Variants in SIGLEC1 observed in about 807,000 individuals in gnomAD.
SIGLEC1 encodes sialic acid binding Ig like lectin 1.
Under a neutral mutation model 148.0 loss-of-function variants are expected in SIGLEC1, and 132 were observed. That is an observed-to-expected ratio of 0.89 (90% CI 0.77 to 1.03). The LOEUF is 1.03. SIGLEC1 is among the 50% of genes least tolerant of loss of function. The pLI, the probability that SIGLEC1 is intolerant of heterozygous loss-of-function variation, is 0.00. For missense variants in SIGLEC1, 2,253 were observed against 2,271.4 expected (o/e 0.99, Z 0.16); for synonymous variants, 945 against 969.0 (o/e 0.98, Z 0.46).
Position 3,694,738 on chromosome 20 carries a change from C to T in SIGLEC1, c.2869G>A (p.Ala957Thr), listed in dbSNP as rs919181699. The change falls in exon 12 of 22, where the codon GCC becomes ACC. Residue 957 changes from alanine (A) to threonine (T), a missense_variant. Ala to Thr is a moderately conservative substitution (Grantham distance 58). Transcript: ENST00000344754. ...GGGGCCTGGGCTTGGCAATGATAGG[C>T]CCCAGCTTGTGTCAAAGTTATGGCT... ...FAAITLTQAGAYHCQAQAPGS... is the reference protein window; with the variant it reads ...FAAITLTQAGTYHCQAQAPGS... The T allele has an allele frequency of 6.2e-7, 1 of 1,613,728 alleles. No homozygotes were observed. Among genetic ancestry groups the T allele is most frequent in the Admixed American group, 1.7e-5 (1 of 60,010 alleles).
At chr20:3,706,912 G>T (rs1396650907) in intron 2 of SIGLEC1, among the ~76,000 whole-genome samples, 168 bp downstream of exon 2, 1 of 152,198 alleles carries the variant, frequency 6.6e-6, no homozygotes, top group Non-Finnish European at 1.5e-5. Flanking sequence ...TGGTAGGGTG[G>T]CTCGAAGACA....
rs896180163 is a variant in SIGLEC1, at chr20:3,710,930, T to C, written c.-110+1540A>G. 3.3e-5 allele frequency among the ~76,000 whole-genome samples: 5 copies of C among 152,214 alleles called. No individual in the cohort carries two copies. The highest frequency in any genetic ancestry group is 1.2e-4 in the African/African-American group (5 of 41,458). ...AGGCCAGCTTCAGCCCAGATAACTG[T>C]TCTGGAAACAGAAAGAGCAGGGACC... is the stretch of plus-strand genomic sequence containing the variant. On this transcript the variant is annotated intron_variant, in intron 1 of 21. Coordinates refer to ENST00000344754, the MANE Select transcript of SIGLEC1 (RefSeq NM_023068.4). The surrounding 1 kb of genome is among the most constrained non-coding windows in gnomAD (Gnocchi z 4.6).
rs1326907308 is a variant in SIGLEC1, at chr20:3,690,064, C to G, written c.4792G>C (p.Val1598Leu). The change falls in exon 19 of 22, where the codon GTG (valine) becomes CTG (leucine). Residue 1598 changes from valine to leucine, a missense_variant. Val to Leu is a conservative substitution (Grantham distance 32). Transcript: ENST00000344754. ...HVLASPNALR[V>L]DIEALRPSDQ... ...CTGGGCCTCAGCGCCTCGATGTCCACCCTCAGGGCATTGGGGGAAGCCAGG... is the reference window on the plus strand; with the variant it reads ...CTGGGCCTCAGCGCCTCGATGTCCAGCCTCAGGGCATTGGGGGAAGCCAGG... 6.2e-7 allele frequency: 1 copy of G among 1,612,230 alleles called. No individual in the cohort carries two copies. The highest frequency in any genetic ancestry group is 1.7e-5 in the Admixed American group (1 of 59,934).
In SIGLEC1 at chr20:3,706,468, C is replaced by G; in HGVS notation, c.288G>C (p.Arg96Ser). 1 of 1,614,022 alleles carries G rather than the reference C, an allele frequency of 6.2e-7. No individual in the cohort carries two copies. The highest frequency in any genetic ancestry group is 1.3e-5 in the African/African-American group (1 of 75,070). The change falls in exon 3 of 22, where the codon AGG becomes AGC. Residue 96 changes from arginine (R) to serine (S), a missense_variant. Transcript: ENST00000344754. ...RTEFMGNPEH[R>S]VCNLLLKDLQ... ...GGTCCTTCAGCAGCAGGTTGCACACCCTGTGCTCGGGGTTCCCCATGAACT... is the reference window on the plus strand; with the variant it reads ...GGTCCTTCAGCAGCAGGTTGCACACGCTGTGCTCGGGGTTCCCCATGAACT...
rs376814246 is a variant in SIGLEC1, at chr20:3,697,071, T to A, written c.2380+14A>T. ...ACCCTCCAAGTCCCCAGGCTGCCCATGCCAGTCACCCACAGAGTACACTCA... is the reference window on the plus strand; with the variant it reads ...ACCCTCCAAGTCCCCAGGCTGCCCAAGCCAGTCACCCACAGAGTACACTCA... On this transcript the variant is annotated intron_variant, in intron 10 of 21. Transcript: ENST00000344754. 2.3e-4 allele frequency: 339 copies of A among 1,471,474 alleles called. No individual in the cohort carries two copies. The highest frequency in any genetic ancestry group is 3.0e-4 in the Non-Finnish European group (322 of 1,090,060). 91.2% of individuals were successfully genotyped at this position (1,471,474 alleles called of 1,614,324 possible). A position where few individuals can be genotyped will look rare whatever the true frequency, so the allele number is the denominator to read the frequency against.
intron 21 of SIGLEC1, 110 bp downstream of exon 21, chr20:3,689,045 C>T: frequency 1.0e-6 from 1 of 953,092 alleles, no homozygotes; most frequent in Non-Finnish European, 1.7e-6. Context: ...CTCTCCCCAA[C>T]CTCCCCTTGG....
In SIGLEC1 at chr20:3,687,007, T is replaced by A. The variant is rs1489315037; in HGVS notation, c.*1553A>T. 1 of 152,186 alleles carries A rather than the reference T, an allele frequency of 6.6e-6. No homozygotes were observed. Among genetic ancestry groups the A allele is most frequent in the Non-Finnish European group, 1.5e-5 (1 of 68,028 alleles). The allele number at this position is 152,186 out of a possible 1,614,324, so 9.4% of individuals were successfully genotyped here. A position where few individuals can be genotyped will look rare whatever the true frequency, so the allele number is the denominator to read the frequency against. On this transcript the variant is annotated 3_prime_UTR_variant, in exon 22 of 22. Coordinates refer to ENST00000344754, the MANE Select transcript of SIGLEC1 (RefSeq NM_023068.4). ...ATGGAGTTTTATTGGGAGGACATTCTGGACGGGCTCCCAGCAAGAGTCTGG... is the reference window on the plus strand; with the variant it reads ...ATGGAGTTTTATTGGGAGGACATTCAGGACGGGCTCCCAGCAAGAGTCTGG...
Position 3,693,122 on chromosome 20 carries a change from CG to C in SIGLEC1, c.3517del (p.Arg1173AlafsTer5). The C allele has an allele frequency of 6.4e-7, 1 of 1,560,574 alleles. No homozygotes were observed. The highest frequency in any genetic ancestry group is 8.6e-7 in the Non-Finnish European group (1 of 1,158,670). ...PITLDVLYAP[R>X]NLRLTYLLES... ...CAGGAGGTAGGTCAGGCGCAGGTTGCGGGGCGCGTCTGCAGGGCATGAGAGG... is the reference window on the plus strand; with the variant it reads ...CAGGAGGTAGGTCAGGCGCAGGTTGCGGGCGCGTCTGCAGGGCATGAGAGG... On this transcript the variant is annotated frameshift_variant, in exon 15 of 22. Transcript: ENST00000344754. LOFTEE classifies it high-confidence loss of function.
intron 6 of SIGLEC1, among the ~76,000 whole-genome samples, chr20:3,701,897 A>G (rs1173848904): frequency 6.6e-6 from 1 of 152,168 alleles, no homozygotes; most frequent in East Asian, 1.9e-4. Flanking sequence ...TGAGAAAACT[A>G]ATAGAGAGAC....
At chr20:3,705,642 A>C (rs938730353) in intron 4 of SIGLEC1, 102 bp downstream of exon 4, 3 of 1,324,666 alleles carry the variant, frequency 2.3e-6, no homozygotes, top group Non-Finnish European at 3.1e-6. Flanking sequence ...CTGGTTTTGC[A>C]TCAGGAGCAA....
rs2088808413 is a variant in SIGLEC1, at chr20:3,694,959, C to T, written c.2684-36G>A. 9 of 1,586,862 alleles carry T rather than the reference C, an allele frequency of 5.7e-6. No individual in the cohort carries two copies. The East Asian group carries it at 1.6e-4, about 28-fold the overall frequency. On this transcript the variant is annotated intron_variant, in intron 11 of 21. Coordinates refer to ENST00000344754, the MANE Select transcript of SIGLEC1 (RefSeq NM_023068.4). ...AAACCAAGAGCAGGTGAGGGCTCTC[C>T]ACCACACCTCTCACAGTCTGGGACC...
At chr20:3,702,659 G>C (rs971162026) in intron 6 of SIGLEC1, among the ~76,000 whole-genome samples, 1 of 152,014 alleles carries the variant, frequency 6.6e-6, no homozygotes, top group African/African-American at 2.4e-5. Context: ...ATATGTAAGA[G>C]AATGATCTTA....
At chr20:3,691,203 A>G in intron 18 of SIGLEC1, 137 bp downstream of exon 18, 1 of 1,029,810 alleles carries the variant, frequency 9.7e-7, no homozygotes, top group Non-Finnish European at 1.4e-6. Flanking sequence ...CCAACCAGAC[A>G]GCGGGAGAGC....
chr20:3,705,679 G>A, intron 4 of SIGLEC1, 65 bp downstream of exon 4: 1 of 1,510,804 alleles, frequency 6.6e-7, no homozygotes, highest in East Asian at 2.3e-5. Flanking sequence ...GGCTGGAGAG[G>A]GGCTGGTTTC....
chr20:3,696,475 A>G (rs2088823194), intron 11 of SIGLEC1, 111 bp downstream of exon 11: 2 of 1,082,122 alleles, frequency 1.8e-6, no homozygotes, highest in African/African-American at 1.6e-5. Flanking sequence ...CCTTACCAGG[A>G]CTGAAAAAGA....
intron 11 of SIGLEC1, 92 bp downstream of exon 11, chr20:3,696,494 T>C (rs2088823362): frequency 2.3e-6 from 3 of 1,296,704 alleles, no homozygotes; most frequent in Non-Finnish European, 2.1e-6. Context: ...GACATATTTC[T>C]GCACAAAATT....
intron 21 of SIGLEC1, 96 bp downstream of exon 21, chr20:3,689,059 C>T: frequency 2.7e-6 from 3 of 1,104,612 alleles, no homozygotes; most frequent in Non-Finnish European, 4.2e-6. Flanking sequence ...CCCTTGGTCC[C>T]AGGCACCATC....
chr20:3,706,388 T>C lies in SIGLEC1; in HGVS notation c.368A>G (p.Asn123Ser), dbSNP rs1366668180. Residue 123 changes from asparagine to serine, a missense_variant, in exon 3 of 22, where the codon AAC becomes AGC. Coordinates refer to ENST00000344754, the MANE Select transcript of SIGLEC1 (RefSeq NM_023068.4). The part of the protein sequence containing the change: ...YNFRFEISEV[N>S]RWSDVKGTLV... ...GGTGCCTTTCACATCTGACCAGCGGTTGACCTCACTGATCTCGAAGCGGAA... is the reference window on the plus strand; with the variant it reads ...GGTGCCTTTCACATCTGACCAGCGGCTGACCTCACTGATCTCGAAGCGGAA... 1 of 1,613,954 alleles carries C rather than the reference T, an allele frequency of 6.2e-7. No individual in the cohort carries two copies. Among genetic ancestry groups the C allele is most frequent in the East Asian group, 2.2e-5 (1 of 44,862 alleles).
chr20:3,691,664 T>C, intron 17 of SIGLEC1, 64 bp from the exon 18 acceptor site: 1 of 1,567,756 alleles, frequency 6.4e-7, no homozygotes, highest in South Asian at 1.2e-5. Context: ...AGCCTCTGGG[T>C]GGGACCTCTG....
Sources: allele counts gnomAD v4.1 joint callset (sites outside exome capture counted in the v4.1 genomes callset), GRCh38; gene constraint gnomAD v4.1.1; non-coding constraint Gnocchi (gnomAD v3.1); transcripts MANE v1.5; gene names NCBI Gene and HGNC (gene_info 2026-07-23, HGNC 2026-07-21).